FSTL1: variants seen among roughly 807,000 people sequenced by gnomAD.
FSTL1 encodes the protein follistatin-related protein 1.
Under a neutral mutation model 45.9 loss-of-function variants are expected in FSTL1, and 24 were observed. That is an observed-to-expected ratio of 0.52 (90% confidence interval 0.38 to 0.74). The LOEUF (loss-of-function observed/expected upper bound fraction) is 0.74, where lower values mean the gene tolerates loss of function less well. Ranked by LOEUF, FSTL1 falls within the 30% of genes least tolerant of loss-of-function variation. The pLI, the probability that FSTL1 is intolerant of heterozygous loss-of-function variation, is 0.00. For missense variants in FSTL1, 340 were observed against 381.8 expected (o/e 0.89, Z 0.91); for synonymous variants, 120 against 137.6 (o/e 0.87, Z 0.89).
chr3:120,411,654 C>T (rs1576212998), intron 4 of FSTL1, among the ~76,000 whole-genome samples, 200 bp downstream of exon 4: 1 of 152,360 alleles, frequency 6.6e-6, no homozygotes, highest in African/African-American at 2.4e-5. Flanking sequence ...AAACCCTGGG[C>T]AGAGGCCTGG....
intron 2 of FSTL1, chr3:120,441,406 T>G (rs1163056362): frequency 6.6e-6 from 1 of 152,220 alleles, no homozygotes; most frequent in Non-Finnish European, 1.5e-5. Context: ...AATCTCTTCC[T>G]GGAGGAATGA....
chr3:120,410,482 C>T (rs1937030230), intron 5 of FSTL1: 4 of 301,206 alleles, frequency 1.3e-5, no homozygotes, highest in South Asian at 8.9e-5. Flanking sequence ...CAAAGGCTAC[C>T]GTGAGAATCT....
intron 2 of FSTL1, among the ~76,000 whole-genome samples, chr3:120,446,274 G>T (rs1422437489): frequency 6.6e-6 from 1 of 152,154 alleles, no homozygotes; most frequent in Non-Finnish European, 1.5e-5. Context: ...CGTCTTTGGG[G>T]CATTTCCTCT....
chr3:120,400,121 T>C (rs1560010251), intron 9 of FSTL1, 162 bp from the exon 10 acceptor site: 1 of 629,126 alleles, frequency 1.6e-6, no homozygotes. Context: ...AGGGGCCCTG[T>C]GTAATTGATA....
At chr3:120,435,768 A>G (rs796860445) in intron 2 of FSTL1, among the ~76,000 whole-genome samples, 2 of 152,232 alleles carry the variant, frequency 1.3e-5, no homozygotes, top group African/African-American at 2.4e-5. Context: ...ACTACACGAC[A>G]ATGCCATTTA....
chr3:120,423,963 A>G (rs1418931680), intron 2 of FSTL1: 2 of 152,138 alleles, frequency 1.3e-5, no homozygotes, highest in Admixed American at 6.6e-5. Context: ...CCAATTGTCT[A>G]CCTAAGACTT....
At chr3:120,426,717 T>C (rs895696010) in intron 2 of FSTL1, among the ~76,000 whole-genome samples, 3 of 152,226 alleles carry the variant, frequency 2.0e-5, no homozygotes, top group Non-Finnish European at 2.9e-5. Context: ...CCACATGCCC[T>C]GGCACTGAGT....
At position 120,396,212 on chromosome 3, in the gene FSTL1, C is replaced by G. The variant is rs568559574; in HGVS notation, c.*740G>C. 1.3e-5 allele frequency: 2 copies of G among 149,372 alleles called. No homozygotes were observed. The highest frequency in any genetic ancestry group is 4.0e-4 in the East Asian group (2 of 5,042). The allele number at this position is 149,372 out of a possible 1,614,324, so 9.3% of individuals were successfully genotyped here. A position where few individuals can be genotyped will look rare whatever the true frequency, so the allele number is the denominator to read the frequency against. Reference sequence around the variant, plus strand: ...TAATTACAAAAGCTTAATACCTAGTCAAGAAAATAAAATATTAAAAAACAA... The same window carrying G: ...TAATTACAAAAGCTTAATACCTAGTGAAGAAAATAAAATATTAAAAAACAA... On this transcript the variant is annotated 3_prime_UTR_variant, in exon 11 of 11. Transcript: ENST00000295633.
At chr3:120,409,496 T>C in intron 6 of FSTL1, 36 bp downstream of exon 6, 1 of 1,596,058 alleles carries the variant, frequency 6.3e-7, no homozygotes, top group East Asian at 2.2e-5. Context: ...TCCCTTTCTA[T>C]GGGCCTGAAT....
At chr3:120,412,840 A>ACG (rs1559737110) in intron 3 of FSTL1, among the ~76,000 whole-genome samples, 14 of 62,022 alleles carry the variant, frequency 2.3e-4, no homozygotes, top group African/African-American at 5.6e-4. Context: ...GCGCGCGCGC[A>ACG]CACACACACA....
intron 4 of FSTL1, 121 bp downstream of exon 4, chr3:120,411,733 T>C: frequency 1.1e-6 from 1 of 905,700 alleles, no homozygotes; most frequent in East Asian, 2.5e-5. Context: ...CTGGGCGCTT[T>C]CCACAGCTTT....
chr3:120,422,843 C>T (rs774381594), intron 2 of FSTL1, among the ~76,000 whole-genome samples: 13 of 152,108 alleles, frequency 8.5e-5, no homozygotes, highest in African/African-American at 1.4e-4. Context: ...TACAGGCACA[C>T]GCCCCCATGC....
At chr3:120,417,608 G>A (rs1427995237) in intron 2 of FSTL1, among the ~76,000 whole-genome samples, 2 of 152,236 alleles carry the variant, frequency 1.3e-5, no homozygotes, top group African/African-American at 4.8e-5. Context: ...TAAACAGAGA[G>A]TGGAGATAAA....
intron 9 of FSTL1, among the ~76,000 whole-genome samples, chr3:120,402,153 C>G (rs1465768159): frequency 6.6e-6 from 1 of 152,212 alleles, no homozygotes; most frequent in Non-Finnish European, 1.5e-5. Flanking sequence ...CCAGACCACC[C>G]TGCACATATC....
At chr3:120,445,363 G>T (rs1156255490) in intron 2 of FSTL1, among the ~76,000 whole-genome samples, 1 of 149,330 alleles carries the variant, frequency 6.7e-6, no homozygotes, top group African/African-American at 2.6e-5. Context: ...TTAAAACATG[G>T]ATTAAAAACT....
chr3:120,402,725 C>T (rs1936850374), intron 9 of FSTL1, 83 bp downstream of exon 9: 1 of 896,614 alleles, frequency 1.1e-6, no homozygotes, highest in Admixed American at 1.7e-5. Context: ...TCTTCTCCAT[C>T]ATCCCCACCC....
rs958504084 is a variant in FSTL1, at chr3:120,403,634, C to T, written c.582-280G>A. Among the ~76,000 whole-genome samples, 35 of 152,080 alleles carry T rather than the reference C, an allele frequency of 2.3e-4. 1 individual carries two copies. Among genetic ancestry groups the T allele is most frequent in the Non-Finnish European group, 2.9e-5 (2 of 68,020 alleles). ...ACTAAAGTTTCGTGAATGGTTTTGT[C>T]TAATGTTTTCACTGCCTGCATACCT... On this transcript the variant is annotated intron_variant, in intron 7 of 10. Coordinates refer to ENST00000295633, the MANE Select transcript of FSTL1 (RefSeq NM_007085.5).
intron 2 of FSTL1, among the ~76,000 whole-genome samples, chr3:120,418,767 T>C (rs1937230482): frequency 1.3e-5 from 2 of 152,120 alleles, no homozygotes; most frequent in African/African-American, 4.8e-5. Context: ...CTGGGAGTAC[T>C]GATTCTTAGA....
intron 2 of FSTL1, among the ~76,000 whole-genome samples, chr3:120,440,195 T>C (rs1383288855): frequency 1.3e-5 from 2 of 152,228 alleles, no homozygotes; most frequent in Non-Finnish European, 2.9e-5. Context: ...AATGCTCCAC[T>C]GTAAAAACTG....
Sources: gnomAD v4.1 joint callset for allele counts (sites outside exome capture counted in the v4.1 genomes callset) on GRCh38, gnomAD v4.1.1 for gene constraint, MANE v1.5 for transcripts, NCBI Gene and HGNC (gene_info 2026-07-23, HGNC 2026-07-21) for gene names.